ITGB3BP: variants seen among roughly 807,000 people sequenced by gnomAD.
ITGB3BP encodes centromere protein R.
ITGB3BP carries 27 observed loss-of-function variants against 29.1 expected under a neutral mutation model. The ratio of observed to expected loss-of-function variants is 0.93; its 90% confidence interval spans 0.68 to 1.28. ITGB3BP has a LOEUF of 1.28. Ranked by LOEUF, ITGB3BP falls within the 50% of genes most tolerant of loss-of-function variation. The pLI is 0.00. For synonymous variants in ITGB3BP, 61 were observed against 61.4 expected, an observed-to-expected ratio of 0.99 and a Z score of 0.03; for missense variants, 192 against 200.2, an observed-to-expected ratio of 0.96 and a Z score of 0.25.
At chr1:63,516,712 G>GAA (rs60397963) in intron 1 of ITGB3BP, among the ~76,000 whole-genome samples, 68 of 115,842 alleles carry the variant, frequency 5.9e-4, no homozygotes, top group Middle Eastern at 4.4e-3. Flanking sequence ...CTTGTTTCAT[G>GAA]AAAAAAAAAA....
At chr1:63,520,782 T>C (rs1646426775) in intron 1 of ITGB3BP, among the ~76,000 whole-genome samples, 4 of 152,176 alleles carry the variant, frequency 2.6e-5, no homozygotes. Context: ...CCAAAAGGCA[T>C]CTATTAAACT....
chr1:63,523,458 T>C (rs373524749), upstream of ITGB3BP: 4 of 430,446 alleles, frequency 9.3e-6, no homozygotes, highest in Admixed American at 3.8e-5. Context: ...GATCAGCGCT[T>C]CCTAGATTTC....
intron 4 of ITGB3BP, among the ~76,000 whole-genome samples, chr1:63,473,950 G>A (rs1288617193): frequency 1.1e-4 from 1 of 9,454 alleles, no homozygotes; most frequent in African/African-American, 1.8e-4. Context: ...CCGGCCAGCC[G>A]CCCCGTCCGG....
chr1:63,501,587 G>A (rs1166791304), intron 2 of ITGB3BP, among the ~76,000 whole-genome samples: 1 of 152,094 alleles, frequency 6.6e-6, no homozygotes, highest in African/African-American at 2.4e-5. Flanking sequence ...TTACTGCCAG[G>A]CATGGTGGCT....
chr1:63,460,991 GCA>G, intron 4 of ITGB3BP, among the ~76,000 whole-genome samples: 1 of 151,014 alleles, frequency 6.6e-6, no homozygotes, highest in South Asian at 2.1e-4. Flanking sequence ...TGTAATCCCA[GCA>G]CTTTGGGAGG....
chr1:63,522,905 C>T (rs929827447), intron 1 of ITGB3BP: 2 of 721,578 alleles, frequency 2.8e-6, no homozygotes, highest in Non-Finnish European at 2.5e-6. Context: ...CGAAATCTGT[C>T]AAAAGCATCG....
chr1:63,446,925 C>A, intron 7 of ITGB3BP, 69 bp from the exon 8 acceptor site: 1 of 1,129,408 alleles, frequency 8.9e-7, no homozygotes. Flanking sequence ...GTATATGATG[C>A]AGAATAAATG....
chr1:63,527,676 A>G (rs1646619182), upstream of ITGB3BP, among the ~76,000 whole-genome samples: 1 of 152,218 alleles, frequency 6.6e-6, no homozygotes, highest in Non-Finnish European at 1.5e-5. Flanking sequence ...TAGAGATTAA[A>G]GTTAGTAGGA....
At chr1:63,450,394 G>C in intron 7 of ITGB3BP, among the ~76,000 whole-genome samples, 1 of 151,830 alleles carries the variant, frequency 6.6e-6, no homozygotes, top group East Asian at 1.9e-4. Flanking sequence ...TTTGTTTATT[G>C]GAAGTACTAG....
intron 7 of ITGB3BP, chr1:63,449,405 A>T (rs1406565343): frequency 6.6e-6 from 1 of 152,280 alleles, no homozygotes; most frequent in African/African-American, 2.4e-5. Flanking sequence ...AAATTATCAT[A>T]CTTCTGTTAA....
intron 8 of ITGB3BP, among the ~76,000 whole-genome samples, chr1:63,441,615 G>T (rs899455037): frequency 6.6e-6 from 1 of 151,986 alleles, no homozygotes; most frequent in South Asian, 2.1e-4. Context: ...TTTACCTTAT[G>T]TGACCATACT....
chr1:63,518,153 G>T (rs140283335), intron 1 of ITGB3BP, among the ~76,000 whole-genome samples: 26 of 152,254 alleles, frequency 1.7e-4, no homozygotes, highest in African/African-American at 6.3e-4. Context: ...ATTATCTATA[G>T]GTTTTTCAAA....
chr1:63,506,231 G>A (rs1412831571), intron 2 of ITGB3BP, among the ~76,000 whole-genome samples: 1 of 152,128 alleles, frequency 6.6e-6, no homozygotes, highest in East Asian at 1.9e-4. Flanking sequence ...AGGATAGTTA[G>A]CTCTTCTTGT....
chr1:63,441,531 C>T (rs563210024), intron 8 of ITGB3BP, among the ~76,000 whole-genome samples: 33 of 152,082 alleles, frequency 2.2e-4, no homozygotes, highest in African/African-American at 7.7e-4. Context: ...CCACTGTGCC[C>T]GGCCTTATTT....
chr1:63,461,379 T>G (rs1292868346), intron 4 of ITGB3BP, among the ~76,000 whole-genome samples: 1 of 152,062 alleles, frequency 6.6e-6, no homozygotes, highest in African/African-American at 2.4e-5. Flanking sequence ...CCTTATTAGA[T>G]ATATAATTTG....
Position 63,443,544 on chromosome 1 carries a change from T to C in ITGB3BP, c.*2-2441A>G, listed in dbSNP as rs1373686016. Among the ~76,000 whole-genome samples the C allele has an allele frequency of 4.6e-5, 7 of 152,270 alleles. No homozygotes were observed. In the East Asian group the frequency reaches 1.4e-3, roughly 29 times the overall value. ...TGGGCAGATCAGGGAGACTCCTGAA[T>C]GTCAGTTTAAATTTGGATTTTATCA... On this transcript the variant is annotated intron_variant, in intron 8 of 8. Coordinates refer to ENST00000271002, the MANE Select transcript of ITGB3BP (RefSeq NM_014288.5).
At chr1:63,474,995 G>T (rs1645309166) in intron 4 of ITGB3BP, among the ~76,000 whole-genome samples, 1 of 152,160 alleles carries the variant, frequency 6.6e-6, no homozygotes, top group Non-Finnish European at 1.5e-5. Context: ...GATTGATTGA[G>T]ATGAGGTCTC....
chr1:63,458,885 T>A (rs978095934), intron 4 of ITGB3BP, among the ~76,000 whole-genome samples: 2 of 152,288 alleles, frequency 1.3e-5, no homozygotes, highest in East Asian at 3.9e-4. Context: ...AGTATGCCCA[T>A]CCTGCAGTTT....
intron 3 of ITGB3BP, among the ~76,000 whole-genome samples, chr1:63,481,052 G>T (rs1645428943): frequency 6.6e-6 from 1 of 151,974 alleles, no homozygotes; most frequent in African/African-American, 2.4e-5. Flanking sequence ...ATTCAGTAAG[G>T]CTCCAAAATT....
Sources: allele counts gnomAD v4.1 joint callset (sites outside exome capture counted in the v4.1 genomes callset), GRCh38; gene constraint gnomAD v4.1.1; transcripts MANE v1.5; gene names NCBI Gene and HGNC (gene_info 2026-07-23, HGNC 2026-07-21).